The following SRGAP2C variants were observed in gnomAD, a reference collection of about 807,000 sequenced individuals.
The protein encoded by SRGAP2C is SLIT-ROBO Rho GTPase activating protein 2C, also known as SLIT-ROBO Rho GTPase-activating protein 2C.
In SRGAP2C, 15 loss-of-function variants were observed where a neutral mutation model predicts 25.1. The ratio of observed to expected loss-of-function variants is 0.60; its 90% CI spans 0.40 to 0.92. The LOEUF is 0.92. SRGAP2C is among the 40% of genes least tolerant of loss of function. SRGAP2C has a pLI of 0.00. For missense variants in SRGAP2C, 144 were observed against 264.4 expected (o/e 0.54, Z 3.16); for synonymous variants, 44 against 96.6 (o/e 0.46, Z 3.19).
At chr1:121,337,645 A>ATAAG (rs1658546774) in intron 4 of SRGAP2C, among the ~76,000 whole-genome samples, 1 of 149,700 alleles carries the variant, frequency 6.7e-6, no homozygotes, top group African/African-American at 2.5e-5. Context: ...AAATAAATAA[A>ATAAG]TAAATAAATA....
intron 4 of SRGAP2C, among the ~76,000 whole-genome samples, chr1:121,329,350 A>C (rs1658386565): frequency 6.7e-6 from 1 of 150,360 alleles, no homozygotes; most frequent in Non-Finnish European, 1.5e-5. Flanking sequence ...GAGAAGAGAA[A>C]ATCCTGGATT....
chr1:121,234,645 CTG>C (rs1248554273), intron 2 of SRGAP2C, among the ~76,000 whole-genome samples: 2 of 146,492 alleles, frequency 1.4e-5, no homozygotes, highest in Non-Finnish European at 3.0e-5. Flanking sequence ...TTTGGTGGTG[CTG>C]TGTGTGGCTC....
intron 5 of SRGAP2C, among the ~76,000 whole-genome samples, chr1:121,372,435 G>A (rs1659521653): frequency 6.9e-6 from 1 of 145,806 alleles, no homozygotes; most frequent in South Asian, 2.2e-4. Flanking sequence ...AATATTTCCA[G>A]ACACTGCCAC....
At chr1:121,307,421 G>T (rs1431556536) in intron 3 of SRGAP2C, among the ~76,000 whole-genome samples, 2 of 145,466 alleles carry the variant, frequency 1.4e-5, no homozygotes, top group African/African-American at 2.5e-5. Context: ...TAAATTTTTT[G>T]GTGTGCATAA....
chr1:121,211,434 C>CAT (rs1212145321), intron 2 of SRGAP2C, among the ~76,000 whole-genome samples: 1 of 140,290 alleles, frequency 7.1e-6, no homozygotes, highest in Non-Finnish European at 1.6e-5. Flanking sequence ...CACACACACA[C>CAT]ACACACACAC....
chr1:121,191,184 CAG>C (rs1313389925), intron 2 of SRGAP2C, among the ~76,000 whole-genome samples: 3 of 151,794 alleles, frequency 2.0e-5, no homozygotes, highest in African/African-American at 7.3e-5. Context: ...TCAGTATCCT[CAG>C]GGGATTGGTT....
At chr1:121,293,605 G>A (rs1657535695) in intron 3 of SRGAP2C, among the ~76,000 whole-genome samples, 1 of 152,140 alleles carries the variant, frequency 6.6e-6, no homozygotes, top group South Asian at 2.1e-4. Context: ...CAGAGAAAGT[G>A]CTCTTGGTTT....
intron 2 of SRGAP2C, among the ~76,000 whole-genome samples, chr1:121,267,263 G>A (rs1414747417): frequency 2.3e-4 from 34 of 150,528 alleles, no homozygotes; most frequent in Non-Finnish European, 3.2e-4. Context: ...GTGTGATCTC[G>A]GCTCAGTGCA....
intron 8 of SRGAP2C, among the ~76,000 whole-genome samples, chr1:121,384,987 G>A (rs1570839222): frequency 6.6e-6 from 1 of 152,134 alleles, no homozygotes; most frequent in Non-Finnish European, 1.5e-5. Context: ...CAGTCCTGGA[G>A]CTTGTGAAGG....
At chr1:121,309,465 C>A (rs1657930972) in intron 3 of SRGAP2C, among the ~76,000 whole-genome samples, 1 of 137,584 alleles carries the variant, frequency 7.3e-6, no homozygotes, top group African/African-American at 2.7e-5. Flanking sequence ...GGTACATGTG[C>A]ACATTGTGCA....
intron 3 of SRGAP2C, among the ~76,000 whole-genome samples, chr1:121,289,226 G>A (rs1324661776): frequency 2.0e-5 from 3 of 150,356 alleles, no homozygotes; most frequent in Non-Finnish European, 4.4e-5. Context: ...GACATGGCGG[G>A]CTGCAGGTCC....
At chr1:121,359,615 A>T (rs1553348154) in intron 4 of SRGAP2C, among the ~76,000 whole-genome samples, 1 of 152,216 alleles carries the variant, frequency 6.6e-6, no homozygotes, top group Non-Finnish European at 1.5e-5. Context: ...CAAAAATTAC[A>T]AAAATTAACC....
At chr1:121,220,219 T>TGCTGGCC (rs1655488636) in intron 2 of SRGAP2C, among the ~76,000 whole-genome samples, 1 of 151,838 alleles carries the variant, frequency 6.6e-6, no homozygotes, top group African/African-American at 2.4e-5. Context: ...CCATGGTAGG[T>TGCTGGCC]AAAGCCAAAG....
intron 2 of SRGAP2C, among the ~76,000 whole-genome samples, chr1:121,239,206 ATATAT>A (rs1656043257): frequency 4.4e-4 from 2 of 4,580 alleles, no homozygotes; most frequent in African/African-American, 2.3e-3. Flanking sequence ...ATATATATAT[ATATAT>A]ATATATATAT....
intron 2 of SRGAP2C, among the ~76,000 whole-genome samples, chr1:121,195,194 T>C (rs587623057): frequency 3.7e-4 from 56 of 152,324 alleles, no homozygotes; most frequent in African/African-American, 1.3e-3. Context: ...ATGGATCACC[T>C]GAGGTCAGGA....
At chr1:121,225,697 C>T (rs1461438960) in intron 2 of SRGAP2C, among the ~76,000 whole-genome samples, 6 of 150,620 alleles carry the variant, frequency 4.0e-5, no homozygotes, top group African/African-American at 1.5e-4. Context: ...TGACAACTTA[C>T]AGGTTAATGT....
rs1159002835 is a variant in SRGAP2C, at chr1:121,250,604, A to G, written c.68-34199A>G. 4.7e-5 allele frequency among the ~76,000 whole-genome samples: 4 copies of G among 84,888 alleles called. 1 individual carries two copies. Among genetic ancestry groups the G allele is most frequent in the South Asian group, 3.0e-4 (1 of 3,324 alleles). The allele number at this position is 84,888 out of a possible 152,430, so 55.7% of individuals were successfully genotyped here. On this transcript the variant is annotated intron_variant, in intron 2 of 9. Transcript: ENST00000367123. ...CTCTTCAGAAGTAGAATGAATAAAC[A>G]AAGTGTGGTGTATTCATACAGTGGA...
intron 3 of SRGAP2C, among the ~76,000 whole-genome samples, chr1:121,299,220 ATAGTT>A (rs1385576339): frequency 7.4e-6 from 1 of 135,984 alleles, no homozygotes; most frequent in Non-Finnish European, 1.6e-5. Flanking sequence ...AAAAGATAGT[ATAGTT>A]ATGTTCTCAA....
At chr1:121,259,916 A>G (rs1367402404) in intron 2 of SRGAP2C, among the ~76,000 whole-genome samples, 1 of 128,894 alleles carries the variant, frequency 7.8e-6, no homozygotes, top group African/African-American at 2.9e-5. Flanking sequence ...GTGCAGTGGC[A>G]CCATGATAGC....
Sources: gnomAD v4.1 joint callset for allele counts (sites outside exome capture counted in the v4.1 genomes callset) on GRCh38, gnomAD v4.1.1 for gene constraint, MANE v1.5 for transcripts, NCBI Gene and HGNC (gene_info 2026-07-23, HGNC 2026-07-21) for gene names.